Variants in NOS2 observed in about 807,000 individuals in gnomAD.
NOS2 encodes the protein nitric oxide synthase 2, also known as nitric oxide synthase, inducible.
Under a neutral mutation model 136.0 loss-of-function variants are expected in NOS2, and 96 were observed. The ratio of observed to expected loss-of-function variants is 0.71; its 90% CI spans 0.60 to 0.84. NOS2 has a LOEUF of 0.84. Ranked by LOEUF, NOS2 falls within the 40% of genes least tolerant of loss-of-function variation. The probability of loss-of-function intolerance (pLI) is 0.00; values close to 1 mark genes in which losing one functional copy is unlikely to be tolerated. For missense variants in NOS2, 1,237 were observed against 1,496.9 expected (o/e 0.83, Z 2.87); for synonymous variants, 539 against 587.5 (o/e 0.92, Z 1.20).
chr17:27,798,783 G>GA lies in NOS2; in HGVS notation c.26dup (p.Lys10GlnfsTer34). On this transcript the variant is annotated frameshift_variant, in exon 2 of 27. Coordinates refer to ENST00000313735, the MANE Select transcript of NOS2 (RefSeq NM_000625.4). LOFTEE classifies it high-confidence loss of function. ...TTGCATACTGGTGGAATTTGGTCTTGAACAGAAATTTCCAAGGACAGGCCA... is the reference window on the plus strand; with the variant it reads ...TTGCATACTGGTGGAATTTGGTCTTGAAACAGAAATTTCCAAGGACAGGCCA... 2 of 1,613,458 alleles carry GA rather than the reference G, an allele frequency of 1.2e-6. No homozygotes were observed. Among genetic ancestry groups the GA allele is most frequent in the Non-Finnish European group, 1.7e-6 (2 of 1,179,366 alleles).
At position 27,760,231 on chromosome 17, in the gene NOS2, G is replaced by A. The variant is rs1233049714; in HGVS notation, c.3011-53C>T. The A allele has an allele frequency of 2.0e-6, 3 of 1,487,938 alleles. No individual in the cohort carries two copies. The African/African-American group carries it at 4.3e-5, about 21-fold the overall frequency. The allele number at this position is 1,487,938 out of a possible 1,614,324, so 92.2% of individuals were successfully genotyped here. A position where few individuals can be genotyped will look rare whatever the true frequency, so the allele number is the denominator to read the frequency against. ...ATGTTGGCCACCAGAGGGCGCCAGGGCTCCAAGCCCAACTGGAATTCTCAC... is the reference window on the plus strand; with the variant it reads ...ATGTTGGCCACCAGAGGGCGCCAGGACTCCAAGCCCAACTGGAATTCTCAC... On this transcript the variant is annotated intron_variant, in intron 24 of 26. Transcript: ENST00000313735.
chr17:27,778,637 T>C, intron 11 of NOS2, 53 bp downstream of exon 11: 1 of 1,381,296 alleles, frequency 7.2e-7, no homozygotes, highest in East Asian at 2.3e-5. Flanking sequence ...AGTCACTGGA[T>C]CAGTTAAGCT....
In NOS2 at chr17:27,769,533, A is replaced by G. The variant is rs1597547824; in HGVS notation, c.1859+2T>C. On this transcript the variant is annotated splice_donor_variant, in intron 16 of 26. Transcript: ENST00000313735. LOFTEE classifies it high-confidence loss of function. ...GGAGTAGGACAACGGAAAAAGCTTT[A>G]CCTGAATTTGTTGTTGAGCTCTTTC... is the stretch of plus-strand genomic sequence containing the variant. The G allele has an allele frequency of 2.5e-6, 4 of 1,613,024 alleles. No individual in the cohort carries two copies.
chr17:27,788,780 G>C (rs764568592), intron 4 of NOS2, 29 bp downstream of exon 4: 3 of 1,600,074 alleles, frequency 1.9e-6, no homozygotes, highest in Non-Finnish European at 2.6e-6. Context: ...TTGGGACAAA[G>C]GTGGTTCTCC....
At chr17:27,781,692 C>T (rs1465232491) in intron 7 of NOS2, among the ~76,000 whole-genome samples, 1 of 152,166 alleles carries the variant, frequency 6.6e-6, no homozygotes. Flanking sequence ...GGAAGGTAAC[C>T]TCTTAATGTC....
chr17:27,799,605 A>G (rs1015093714), intron 1 of NOS2, among the ~76,000 whole-genome samples: 14 of 152,208 alleles, frequency 9.2e-5, no homozygotes, highest in Non-Finnish European at 2.9e-5. Flanking sequence ...GCATTTCGGG[A>G]GACCGAGGCA....
intron 24 of NOS2, 48 bp from the exon 25 acceptor site, chr17:27,760,226 C>G (rs1191117846): frequency 6.7e-7 from 1 of 1,495,880 alleles, no homozygotes; most frequent in Non-Finnish European, 8.9e-7. Context: ...CCAGAGGGCG[C>G]CAGGGCTCCA....
chr17:27,776,023 T>G (rs1411565382), intron 11 of NOS2, among the ~76,000 whole-genome samples: 4 of 152,166 alleles, frequency 2.6e-5, no homozygotes, highest in Non-Finnish European at 1.5e-5. Flanking sequence ...TGATAGAAAC[T>G]CTGATGGAGG....
chr17:27,788,694 T>C (rs1389946241), intron 4 of NOS2, 115 bp downstream of exon 4: 34 of 1,330,160 alleles, frequency 2.6e-5, no homozygotes, highest in Non-Finnish European at 3.5e-5. Flanking sequence ...TAGACCCCTT[T>C]GCCCAAGCAG....
chr17:27,757,815 C>T lies in NOS2; in HGVS notation c.3355-462G>A, dbSNP rs1235554028. On this transcript the variant is annotated intron_variant, in intron 26 of 26. Coordinates refer to ENST00000313735, the MANE Select transcript of NOS2 (RefSeq NM_000625.4). The stretch of plus-strand genomic sequence containing the variant: ...TTGATGCCAACTGTCTACCGACCCA[C>T]TGAACACATTTGGGGAAATGCCTGT... 9.2e-5 allele frequency among the ~76,000 whole-genome samples: 14 copies of T among 152,332 alleles called. No individual in the cohort carries two copies. In the East Asian group the frequency reaches 2.7e-3, roughly 29 times the overall value.
chr17:27,760,545 T>C (rs1908085341), intron 24 of NOS2, 78 bp downstream of exon 24: 27 of 1,538,560 alleles, frequency 1.8e-5, no homozygotes, highest in Non-Finnish European at 2.4e-5. Context: ...CAGGAACCGT[T>C]TGTGGGGCTG....
chr17:27,798,610 G>C, intron 2 of NOS2, 90 bp downstream of exon 2: 1 of 791,522 alleles, frequency 1.3e-6, no homozygotes, highest in Non-Finnish European at 2.3e-6. Context: ...TGAGAGAGGA[G>C]GAGCAGAGAG....
In NOS2 at chr17:27,781,087, C is replaced by A; in HGVS notation, c.813G>T (p.Gln271His). 1 of 1,613,866 alleles carries A rather than the reference C, an allele frequency of 6.2e-7. No individual in the cohort carries two copies. The highest frequency in any genetic ancestry group is 8.5e-7 in the Non-Finnish European group (1 of 1,180,032). The change falls in exon 8 of 27, where the codon CAG becomes CAT. Residue 271 changes from glutamine (Q) to histidine (H), a missense_variant. Physicochemically the swap from Gln to His is conservative, Grantham distance 24. Transcript: ENST00000313735. ...NAQLIRYAGYQMPDGSIRGDP... is the reference protein window; with the variant it reads ...NAQLIRYAGYHMPDGSIRGDP... ...CCCCTCTGATGCTGCCATCTGGCAT[C>A]TGGTAGCCAGCATAGCGGATGAGCT...
Position 27,770,909 on chromosome 17 carries a change from C to G in NOS2, c.1809+4G>C, listed in dbSNP as rs764973048. On this transcript the variant is annotated splice_donor_region_variant and intron_variant, in intron 15 of 26. Transcript: ENST00000313735. Reference sequence around the variant, plus strand: ...CTAGACCAGCCAGACCTCAAGCCACCCACCTCTCCATTGCCAGGGCAGTCT... The same window carrying G: ...CTAGACCAGCCAGACCTCAAGCCACGCACCTCTCCATTGCCAGGGCAGTCT... 1 of 1,611,822 alleles carries G rather than the reference C, an allele frequency of 6.2e-7. No homozygotes were observed. The highest frequency in any genetic ancestry group is 1.1e-5 in the South Asian group (1 of 90,918).
At chr17:27,774,205 C>T (rs953057862) in intron 12 of NOS2, 52 bp downstream of exon 12, 5 of 1,342,078 alleles carry the variant, frequency 3.7e-6, no homozygotes, top group East Asian at 5.4e-5. Context: ...CACACACACA[C>T]ATACAGCCAC....
chr17:27,760,707 G>C lies in NOS2; in HGVS notation c.2926C>G (p.Pro976Ala), dbSNP rs558843043. The C allele has an allele frequency of 2.6e-6, 4 of 1,550,558 alleles. No homozygotes were observed. In the South Asian group the frequency reaches 4.8e-5, roughly 18 times the overall value. ...GFHLPEDPSH[P>A]CILIGPGTGI... ...GTGCCAGGCCCGATGAGGATGCAAG[G>C]ATGGGAGGGATCCTCGGGGAGGTGG... The change falls in exon 24 of 27, where the codon CCT becomes GCT. Residue 976 changes from proline (P) to alanine (A), a missense_variant. Around this residue, in one of 3 missense-constraint regions of NOS2, gnomAD observed 782 missense variants for 909.9 expected, o/e 0.86. Coordinates refer to ENST00000313735, the MANE Select transcript of NOS2 (RefSeq NM_000625.4).
In NOS2 at chr17:27,773,149, A is replaced by T. The variant is rs763387837; in HGVS notation, c.1559+12T>A. 1 of 1,606,672 alleles carries T rather than the reference A, an allele frequency of 6.2e-7. No homozygotes were observed. The highest frequency in any genetic ancestry group is 1.1e-5 in the South Asian group (1 of 90,932). On this transcript the variant is annotated intron_variant, in intron 13 of 26. Transcript: ENST00000313735. ...TCACACATCACTACTAGCCACTGCC[A>T]CTGCCACTCACTTGACCAAGACTTT...
At chr17:27,796,248 G>A (rs1454591564) in intron 2 of NOS2, among the ~76,000 whole-genome samples, 6 of 152,128 alleles carry the variant, frequency 3.9e-5, no homozygotes, top group Admixed American at 3.3e-4. Flanking sequence ...TCAGGGGTTC[G>A]AGACCAGCCT....
rs370068020 is a variant in NOS2, at chr17:27,781,216, C to G, written c.723-39G>C. On this transcript the variant is annotated intron_variant, in intron 7 of 26. Transcript: ENST00000313735. ...GAACAGTACTGTTTACCACCTAGCC[C>G]TGGTGGGGGCCCAGCCATCCTGCAC... 4 of 1,573,240 alleles carry G rather than the reference C, an allele frequency of 2.5e-6. No individual in the cohort carries two copies. The African/African-American group carries it at 5.4e-5, about 21-fold the overall frequency.
Sources: gnomAD v4.1 joint callset for allele counts (sites outside exome capture counted in the v4.1 genomes callset) on GRCh38, gnomAD v4.1.1 for gene constraint, gnomAD v4.1.1 regional missense constraint, MANE v1.5 for transcripts, NCBI Gene and HGNC (gene_info 2026-07-23, HGNC 2026-07-21) for gene names.